Variants in EXT2 observed in about 807,000 individuals in gnomAD.
EXT2 encodes exostosin-2.
Under a neutral mutation model 81.6 loss-of-function variants are expected in EXT2, and 53 were observed. The ratio of observed to expected loss-of-function variants is 0.65; its 90% CI spans 0.52 to 0.82. The LOEUF is 0.82. Ranked by LOEUF, EXT2 falls within the 40% of genes least tolerant of loss-of-function variation. EXT2 has a pLI of 0.00. For synonymous variants in EXT2, 320 were observed against 340.0 expected (o/e 0.94, Z 0.65); for missense variants, 774 against 910.2 (o/e 0.85, Z 1.93).
Position 44,130,103 on chromosome 11 carries a change from A to AT in EXT2, c.1139dup (p.Gln382ProfsTer5). On this transcript the variant is annotated frameshift_variant, in exon 7 of 14. Transcript: ENST00000533608. LOFTEE classifies it high-confidence loss of function. The stretch of plus-strand genomic sequence containing the variant: ...AGATGTGTACAGTATTTTGCAGAGC[A>AT]TCCCCCAAAGACAGATTGAAGAAAT... The AT allele has an allele frequency of 1.2e-6, 2 of 1,614,178 alleles. No homozygotes were observed. Among genetic ancestry groups the AT allele is most frequent in the Non-Finnish European group, 1.7e-6 (2 of 1,180,014 alleles).
At chr11:44,204,728 T>TA (rs745856362) in intron 9 of EXT2, among the ~76,000 whole-genome samples, 11 of 152,160 alleles carry the variant, frequency 7.2e-5, no homozygotes, top group Non-Finnish European at 1.3e-4. Flanking sequence ...GCACGCCCCT[T>TA]ACGAGAATCT....
intron 8 of EXT2, among the ~76,000 whole-genome samples, chr11:44,184,637 G>C (rs770813254): frequency 1.8e-4 from 28 of 152,150 alleles, no homozygotes; most frequent in Admixed American, 7.9e-4. Flanking sequence ...TGTGGTCCTA[G>C]CTACTCGGGA....
Position 44,244,517 on chromosome 11 carries a change from T to C in EXT2, c.*230T>C, listed in dbSNP as rs2135284890. 1.9e-6 allele frequency: 1 copy of C among 537,484 alleles called. No homozygotes were observed. The highest frequency in any genetic ancestry group is 3.1e-5 in the East Asian group (1 of 31,952). The allele number at this position is 537,484 out of a possible 1,614,324, so 33.3% of individuals were successfully genotyped here. A position where few individuals can be genotyped will look rare whatever the true frequency, so the allele number is the denominator to read the frequency against. ...TGTATTTCTTATGATCTCTGATGGG[T>C]TCTTCTCGAAAATGCCAAGTGGAAG... On this transcript the variant is annotated 3_prime_UTR_variant, in exon 14 of 14. Transcript: ENST00000533608.
chr11:44,178,702 T>C (rs1955192450), intron 8 of EXT2, among the ~76,000 whole-genome samples: 1 of 152,114 alleles, frequency 6.6e-6, no homozygotes, highest in Admixed American at 6.5e-5. Context: ...ACCCTGTAAG[T>C]TGTGGAATGT....
At chr11:44,127,266 A>G (rs1433937330) in intron 6 of EXT2, among the ~76,000 whole-genome samples, 1 of 152,214 alleles carries the variant, frequency 6.6e-6, no homozygotes, top group African/African-American at 2.4e-5. Context: ...GATGACATAC[A>G]GGGCTTAAAA....
At chr11:44,134,733 A>T (rs758051502) in intron 7 of EXT2, among the ~76,000 whole-genome samples, 17 of 152,204 alleles carry the variant, frequency 1.1e-4, no homozygotes, top group Non-Finnish European at 2.4e-4. Flanking sequence ...TCCCCAGTTT[A>T]TCTGTTGAGT....
Position 44,114,180 on chromosome 11 carries a change from T to G in EXT2, c.627-5T>G. ...TCATCGTTTAACAAAATACTTTGCT[T>G]TCAGGGCCCTGTTGGCTGGTGGCGG... is the stretch of plus-strand genomic sequence containing the variant. On this transcript the variant is annotated splice_region_variant and splice_polypyrimidine_tract_variant and intron_variant, in intron 3 of 13. Transcript: ENST00000533608. 1.2e-6 allele frequency: 2 copies of G among 1,613,650 alleles called. No individual in the cohort carries two copies. Among genetic ancestry groups the G allele is most frequent in the African/African-American group, 2.7e-5 (2 of 75,030 alleles).
chr11:44,238,947 A>G (rs1431759935), intron 13 of EXT2, among the ~76,000 whole-genome samples: 1 of 152,164 alleles, frequency 6.6e-6, no homozygotes, highest in African/African-American at 2.4e-5. Context: ...TAAGCTATAG[A>G]ATTTTCGAAC....
chr11:44,124,695 A>C, intron 4 of EXT2, 94 bp from the exon 5 acceptor site: 1 of 997,980 alleles, frequency 1.0e-6, no homozygotes, highest in Non-Finnish European at 1.6e-6. Context: ...TGGTAAGGAA[A>C]CACTTACTGT....
intron 10 of EXT2, among the ~76,000 whole-genome samples, chr11:44,216,091 T>C (rs921350904): frequency 3.3e-5 from 5 of 151,912 alleles, no homozygotes; most frequent in African/African-American, 1.2e-4. Context: ...TTAGCCAGGA[T>C]GGTCTCGATC....
At position 44,148,424 on chromosome 11, in the gene EXT2, T is replaced by C. The variant is rs1954749755; in HGVS notation, c.1173+18286T>C. Among the ~76,000 whole-genome samples, 4 of 152,230 alleles carry C rather than the reference T, an allele frequency of 2.6e-5. No individual in the cohort carries two copies. The South Asian group carries it at 8.3e-4, about 32-fold the overall frequency. On this transcript the variant is annotated intron_variant, in intron 7 of 13. Transcript: ENST00000533608. ...TGGAAAAGTTGAACTTTATGGAGCA[T>C]TAGGAGTCTTGAAGTCACTGATTGA...
intron 13 of EXT2, among the ~76,000 whole-genome samples, chr11:44,243,756 G>T (rs1956064640): frequency 6.6e-6 from 1 of 151,272 alleles, no homozygotes; most frequent in African/African-American, 2.4e-5. Flanking sequence ...CTCTTAGCTG[G>T]CAGAGATGGG....
intron 8 of EXT2, among the ~76,000 whole-genome samples, chr11:44,185,906 T>C (rs2067787): frequency 0.25 from 38,671 of 152,152 alleles, 5,440 homozygotes; most frequent in Middle Eastern, 0.33. Flanking sequence ...TCAGAGCATT[T>C]CAAGTATGGG....
chr11:44,161,013 G>C (rs1954920603), intron 7 of EXT2, among the ~76,000 whole-genome samples: 1 of 151,932 alleles, frequency 6.6e-6, no homozygotes, highest in East Asian at 1.9e-4. Flanking sequence ...CATTAAGTTG[G>C]ATGCTTACTT....
At chr11:44,193,227 T>C (rs1421458888) in intron 8 of EXT2, among the ~76,000 whole-genome samples, 1 of 152,176 alleles carries the variant, frequency 6.6e-6, no homozygotes, top group African/African-American at 2.4e-5. Context: ...AGGACTTCAT[T>C]TGGGATTCTT....
At chr11:44,124,443 C>CACACA (rs1201852675) in intron 4 of EXT2, among the ~76,000 whole-genome samples, 1 of 55,782 alleles carries the variant, frequency 1.8e-5, no homozygotes, top group Admixed American at 2.1e-4. Context: ...AGTTTCTCTC[C>CACACA]TACACACACA....
At chr11:44,180,460 C>T (rs988838901) in intron 8 of EXT2, among the ~76,000 whole-genome samples, 6 of 152,102 alleles carry the variant, frequency 3.9e-5, no homozygotes, top group Non-Finnish European at 8.8e-5. Context: ...GTTGTTTTTT[C>T]CCGCAGTTTT....
At chr11:44,143,285 A>G (rs1954670430) in intron 7 of EXT2, among the ~76,000 whole-genome samples, 2 of 152,184 alleles carry the variant, frequency 1.3e-5, no homozygotes. Flanking sequence ...ACTATAGAAG[A>G]GAAGGAGTTC....
At chr11:44,176,128 G>A (rs933516899) in intron 8 of EXT2, among the ~76,000 whole-genome samples, 1 of 152,158 alleles carries the variant, frequency 6.6e-6, no homozygotes, top group East Asian at 1.9e-4. Context: ...TATTACATCT[G>A]TTCCTCTGCA....
Sources: allele counts gnomAD v4.1 joint callset (sites outside exome capture counted in the v4.1 genomes callset), GRCh38; gene constraint gnomAD v4.1.1; transcripts MANE v1.5; gene names NCBI Gene and HGNC (gene_info 2026-07-23, HGNC 2026-07-21).